The following ERICH5 variants were observed in gnomAD, a reference collection of about 807,000 sequenced individuals.
ERICH5 encodes the protein glutamate-rich protein 5.
In ERICH5, 24 loss-of-function variants were observed where a neutral mutation model predicts 28.0. The ratio of observed to expected loss-of-function variants is 0.86; its 90% confidence interval spans 0.62 to 1.21. The LOEUF (loss-of-function observed/expected upper bound fraction) is 1.21. ERICH5 is among the 50% of genes most tolerant of loss of function. The pLI is 0.00. For missense variants in ERICH5, 421 were observed against 441.2 expected, an observed-to-expected ratio of 0.95 and a Z score of 0.41; for synonymous variants, 163 against 157.6, an observed-to-expected ratio of 1.03 and a Z score of -0.25.
chr8:98,074,248 A>C (rs1341750352), intron 1 of ERICH5, among the ~76,000 whole-genome samples: 1 of 152,088 alleles, frequency 6.6e-6, no homozygotes. Flanking sequence ...GGTGACAAAA[A>C]TATTAAGTCA....
intron 1 of ERICH5, among the ~76,000 whole-genome samples, chr8:98,065,398 A>T (rs1264132130): frequency 1.3e-5 from 2 of 152,206 alleles, no homozygotes; most frequent in East Asian, 3.8e-4. Flanking sequence ...CTTAAGTATC[A>T]GTTGAGAAGT....
chr8:98,091,281 T>C (rs1815377871), intron 2 of ERICH5, among the ~76,000 whole-genome samples: 1 of 152,170 alleles, frequency 6.6e-6, no homozygotes, highest in Non-Finnish European at 1.5e-5. Flanking sequence ...TGCCTAAACA[T>C]ATGCTAGGTG....
chr8:98,084,538 G>A (rs1463196188), intron 1 of ERICH5, among the ~76,000 whole-genome samples: 1 of 151,940 alleles, frequency 6.6e-6, no homozygotes, highest in African/African-American at 2.4e-5. Flanking sequence ...ATGCAACCAC[G>A]CCTGGCTAAT....
chr8:98,072,021 G>A (rs1814928069), intron 1 of ERICH5, among the ~76,000 whole-genome samples: 1 of 151,818 alleles, frequency 6.6e-6, no homozygotes, highest in African/African-American at 2.4e-5. Flanking sequence ...CAAAGTGCTG[G>A]GATTACAGGC....
chr8:98,076,106 T>G (rs1387822318), intron 1 of ERICH5, among the ~76,000 whole-genome samples: 3 of 152,022 alleles, frequency 2.0e-5, no homozygotes, highest in Non-Finnish European at 4.4e-5. Flanking sequence ...CAGGCTGGAG[T>G]GCAATAGCGC....
At position 98,089,382 on chromosome 8, in the gene ERICH5, A is replaced by C. The variant is rs1313036811; in HGVS notation, c.365A>C (p.Glu122Ala). The change falls in exon 2 of 3, where the codon GAG (glutamate) becomes GCG (alanine). Residue 122 changes from glutamate to alanine, a missense_variant. Transcript: ENST00000318528. ...ESGPPQPGGK[E>A]DAPAAEGKKK... The stretch of plus-strand genomic sequence containing the variant: ...GGGCCGCCTCAACCAGGTGGCAAAG[A>C]GGATGCCCCAGCAGCAGAAGGAAAG... The C allele has an allele frequency of 6.2e-7, 1 of 1,614,266 alleles. No individual in the cohort carries two copies. Among genetic ancestry groups the C allele is most frequent in the South Asian group, 1.1e-5 (1 of 91,084 alleles).
chr8:98,087,266 A>G (rs1815299454), intron 1 of ERICH5, among the ~76,000 whole-genome samples: 1 of 152,222 alleles, frequency 6.6e-6, no homozygotes, highest in South Asian at 2.1e-4. Flanking sequence ...TAGAAAAAAA[A>G]TTCCTCCAAA....
intron 1 of ERICH5, among the ~76,000 whole-genome samples, chr8:98,076,761 G>T (rs1466570948): frequency 6.6e-6 from 1 of 151,900 alleles, no homozygotes; most frequent in Non-Finnish European, 1.5e-5. Flanking sequence ...TGGGGATCTT[G>T]TTAAAATACA....
At chr8:98,087,354 G>T (rs375072664) in intron 1 of ERICH5, among the ~76,000 whole-genome samples, 1 of 151,990 alleles carries the variant, frequency 6.6e-6, no homozygotes, top group African/African-American at 2.4e-5. Context: ...GAGGAGACCC[G>T]AGTATTACTT....
At chr8:98,065,836 A>G (rs1331860934) in intron 1 of ERICH5, among the ~76,000 whole-genome samples, 4 of 152,210 alleles carry the variant, frequency 2.6e-5, no homozygotes, top group Non-Finnish European at 4.4e-5. Flanking sequence ...GTGTTATTGC[A>G]GTAACAGAAA....
chr8:98,089,677 A>C lies in ERICH5; in HGVS notation c.660A>C (p.Thr220=). 1.9e-6 allele frequency: 3 copies of C among 1,614,164 alleles called. No individual in the cohort carries two copies. Among genetic ancestry groups the C allele is most frequent in the Non-Finnish European group, 1.7e-6 (2 of 1,180,036 alleles). ...GKDEQAPLLE[T]ISKENESPEI... ...ATGAGCAGGCCCCGCTTCTAGAAAC[A>C]ATTTCCAAAGAGAATGAATCTCCAG... is the stretch of plus-strand genomic sequence containing the variant. The change falls in exon 2 of 3, where the codon ACA becomes ACC. Residue 220 remains threonine, a synonymous_variant. Coordinates refer to ENST00000318528, the MANE Select transcript of ERICH5 (RefSeq NM_173549.3).
intron 1 of ERICH5, among the ~76,000 whole-genome samples, chr8:98,070,950 GC>G (rs1235651116): frequency 6.6e-6 from 1 of 152,116 alleles, no homozygotes; most frequent in Non-Finnish European, 1.5e-5. Flanking sequence ...GTAAAACAAC[GC>G]TTGATTGTCT....
intron 1 of ERICH5, among the ~76,000 whole-genome samples, chr8:98,079,730 G>T (rs1815139203): frequency 6.6e-6 from 1 of 152,122 alleles, no homozygotes; most frequent in African/African-American, 2.4e-5. Context: ...AGTAGAGACG[G>T]GGTTTCACCA....
chr8:98,073,806 G>C (rs1005272241), intron 1 of ERICH5, among the ~76,000 whole-genome samples: 4 of 151,232 alleles, frequency 2.6e-5, no homozygotes, highest in Non-Finnish European at 5.9e-5. Flanking sequence ...GCCTCCCAAA[G>C]TGTTGGGATT....
In ERICH5 at chr8:98,085,946, T is replaced by A. The variant is rs551436423; in HGVS notation, c.59-3130T>A. On this transcript the variant is annotated intron_variant, in intron 1 of 2. Transcript: ENST00000318528. Reference sequence around the variant, plus strand: ...TTACTGCTTCTGATGGCTTCACCTGTGGTACCAGAGAGCAGAGCCTGTAGT... The same window carrying A: ...TTACTGCTTCTGATGGCTTCACCTGAGGTACCAGAGAGCAGAGCCTGTAGT... 8.7e-4 allele frequency among the ~76,000 whole-genome samples: 133 copies of A among 152,230 alleles called. 1 individual carries two copies. The highest frequency in any genetic ancestry group is 1.2e-3 in the Non-Finnish European group (85 of 68,036).
At chr8:98,065,743 T>C (rs549222458) in intron 1 of ERICH5, among the ~76,000 whole-genome samples, 4 of 152,340 alleles carry the variant, frequency 2.6e-5, no homozygotes, top group Non-Finnish European at 5.9e-5. Context: ...GTCAAGCTAG[T>C]TTACAGTCTT....
intron 2 of ERICH5, among the ~76,000 whole-genome samples, chr8:98,091,389 T>G (rs544896946): frequency 2.0e-4 from 31 of 152,302 alleles, no homozygotes; most frequent in African/African-American, 6.5e-4. Context: ...TAGTCTGTTG[T>G]GGGAACTGCT....
At chr8:98,091,900 C>CTTTCTTTCTTTCTTTCTTTTCTTT in intron 2 of ERICH5, among the ~76,000 whole-genome samples, 18 of 74,708 alleles carry the variant, frequency 2.4e-4, no homozygotes, top group South Asian at 9.2e-4. Flanking sequence ...TTCTTTCTTT[C>CTTTCTTTCTTTCTTTCTTTTCTTT]CTTTCTTTCT....
intron 2 of ERICH5, among the ~76,000 whole-genome samples, chr8:98,091,900 C>CTTTCCTTTCTTTCTTTCTTTCTTTCTTT: frequency 2.3e-4 from 17 of 74,686 alleles, no homozygotes; most frequent in South Asian, 4.6e-4. Flanking sequence ...TTCTTTCTTT[C>CTTTCCTTTCTTTCTTTCTTTCTTTCTTT]CTTTCTTTCT....
Sources: allele counts gnomAD v4.1 joint callset (sites outside exome capture counted in the v4.1 genomes callset), GRCh38; gene constraint gnomAD v4.1.1; transcripts MANE v1.5; gene names NCBI Gene and HGNC (gene_info 2026-07-23, HGNC 2026-07-21).